The following TCOF1 variants were observed in gnomAD, a reference collection of about 807,000 sequenced individuals.
TCOF1 encodes treacle protein.
Under a neutral mutation model 149.0 loss-of-function variants are expected in TCOF1, and 33 were observed. The observed-to-expected ratio is 0.22, with a 90% confidence interval of 0.17 to 0.30. TCOF1 has a LOEUF of 0.30. TCOF1 is among the 10% of genes least tolerant of loss of function. The pLI is 1.00. For synonymous variants in TCOF1, 789 were observed against 738.8 expected, an observed-to-expected ratio of 1.07 and a Z score of -1.10; for missense variants, 1,728 against 1,840.7, an observed-to-expected ratio of 0.94 and a Z score of 1.12.
rs753004813 is a variant in TCOF1, at chr5:150,372,028, C to T, written c.662C>T (p.Ala221Val). The change falls in exon 7 of 27, where the codon GCC becomes GTC. Residue 221 changes from alanine to valine, a missense_variant. Ala to Val is a moderately conservative substitution (Grantham distance 64, BLOSUM62 0). Transcript: ENST00000643257. ...DVEGKPSVKP[A>V]QVKASSVSTK... ...CAGGGGAAACCCTCAGTAAAACCAGCCCAGGTCAAAGCCTCATCAGTTTCT... is the reference window on the plus strand; with the variant it reads ...CAGGGGAAACCCTCAGTAAAACCAGTCCAGGTCAAAGCCTCATCAGTTTCT... 9.9e-6 allele frequency: 16 copies of T among 1,614,090 alleles called. No homozygotes were observed. In the South Asian group the frequency reaches 1.8e-4, roughly 18 times the overall value.
At chr5:150,396,174 A>G in intron 23 of TCOF1, 108 bp from the exon 24 acceptor site, 1 of 1,278,044 alleles carries the variant, frequency 7.8e-7, no homozygotes. Context: ...CATCTGTGCC[A>G]TTGTAAGAAA....
At chr5:150,377,632 C>T (rs2150769104) in intron 14 of TCOF1, among the ~76,000 whole-genome samples, 1 of 152,240 alleles carries the variant, frequency 6.6e-6, no homozygotes, top group Non-Finnish European at 1.5e-5. Context: ...CTTGTGGGAC[C>T]TCAGGGCTCT....
At position 150,375,397 on chromosome 5, in the gene TCOF1, C is replaced by T. The variant is rs138645438; in HGVS notation, c.1547C>T (p.Pro516Leu). The T allele has an allele frequency of 4.5e-4, 722 of 1,612,768 alleles. No homozygotes were observed. Among genetic ancestry groups the T allele is most frequent in the Non-Finnish European group, 5.7e-4 (671 of 1,179,836 alleles). ...CCTGCCTCTACCATGGGCATGGGGC[C>T]CTTGGGGAAAGGCGCCGGCCCAGTG... ...VKPASTMGMGPLGKGAGPVPP... is the reference protein window; with the variant it reads ...VKPASTMGMGLLGKGAGPVPP... The change falls in exon 11 of 27, where the codon CCC becomes CTC. Residue 516 changes from proline to leucine, a missense_variant. This residue lies in a region of TCOF1 where 1,696 missense variants were observed against 1,765.4 expected (regional missense o/e 0.96). Transcript: ENST00000643257.
chr5:150,392,182 GGT>G lies in TCOF1; in HGVS notation c.3517+8_3517+9del. ...CAAGTCAGCCCACACGCTGGGTGAG[GGT>G]GCCAGGGGAAAGGCAAGGGTGGGCC... On this transcript the variant is annotated splice_region_variant and intron_variant, in intron 21 of 26. Coordinates refer to ENST00000643257, the MANE Select transcript of TCOF1 (RefSeq NM_001371623.1). 1 of 1,613,004 alleles carries G rather than the reference GGT, an allele frequency of 6.2e-7. No homozygotes were observed. Among genetic ancestry groups the G allele is most frequent in the East Asian group, 2.2e-5 (1 of 44,872 alleles).
In TCOF1 at chr5:150,392,232, T is replaced by C. The variant is rs542993136; in HGVS notation, c.3517+56T>C. 5.2e-5 allele frequency: 82 copies of C among 1,568,790 alleles called. No individual in the cohort carries two copies. In the African/African-American group the frequency reaches 8.9e-4, roughly 17 times the overall value. ...GCCAGGAAGAGGGTGTTGTGTGGCCTGGTGGAGCCATAGCTCTGGCCTCAG... is the reference window on the plus strand; with the variant it reads ...GCCAGGAAGAGGGTGTTGTGTGGCCCGGTGGAGCCATAGCTCTGGCCTCAG... On this transcript the variant is annotated intron_variant, in intron 21 of 26. Coordinates refer to ENST00000643257, the MANE Select transcript of TCOF1 (RefSeq NM_001371623.1).
At chr5:150,369,452 T>G in intron 5 of TCOF1, 77 bp from the exon 6 acceptor site, 3 of 1,549,628 alleles carry the variant, frequency 1.9e-6, no homozygotes, top group African/African-American at 1.4e-5. Flanking sequence ...GAGCAGCTGG[T>G]TTGTGGGGAG....
intron 6 of TCOF1, among the ~76,000 whole-genome samples, chr5:150,369,847 A>T (rs576869312): frequency 1.3e-5 from 2 of 152,194 alleles, no homozygotes; most frequent in South Asian, 4.1e-4. Context: ...GAGACTAGAC[A>T]AGCCTTCCTG....
intron 3 of TCOF1, 141 bp downstream of exon 3, chr5:150,364,393 C>A: frequency 7.7e-7 from 1 of 1,299,494 alleles, no homozygotes; most frequent in Non-Finnish European, 1.1e-6. Context: ...ATATCTTTGG[C>A]AGTATTTGAG....
chr5:150,385,377 G>T (rs1218828398), intron 17 of TCOF1, among the ~76,000 whole-genome samples: 1 of 152,210 alleles, frequency 6.6e-6, no homozygotes, highest in African/African-American at 2.4e-5. Flanking sequence ...GCACCAGTTT[G>T]CTGGTTGCCC....
intron 1 of TCOF1, 32 bp downstream of exon 1, chr5:150,357,886 C>T (rs1228134215): frequency 3.2e-6 from 5 of 1,543,474 alleles, no homozygotes; most frequent in East Asian, 4.9e-5. Context: ...GCGAGGGCCG[C>T]GTGCAAGATG....
At chr5:150,381,592 T>G (rs572836131) in intron 17 of TCOF1, among the ~76,000 whole-genome samples, 1 of 152,234 alleles carries the variant, frequency 6.6e-6, no homozygotes, top group Non-Finnish European at 1.5e-5. Flanking sequence ...CCCAGGTGCT[T>G]GTTACTGGTA....
intron 2 of TCOF1, among the ~76,000 whole-genome samples, chr5:150,362,804 C>G (rs527619903): frequency 2.6e-5 from 4 of 152,090 alleles, no homozygotes; most frequent in Non-Finnish European, 5.9e-5. Flanking sequence ...ATTCGTAGTA[C>G]TTCCTTCCCC....
intron 14 of TCOF1, 72 bp downstream of exon 14, chr5:150,376,692 T>G (rs1328315581): frequency 1.3e-5 from 19 of 1,484,874 alleles, no homozygotes; most frequent in Non-Finnish European, 1.7e-5. Flanking sequence ...TGGGCTTGAC[T>G]GGGGGCTAGT....
intron 19 of TCOF1, 114 bp downstream of exon 19, chr5:150,390,137 G>A (rs1767112469): frequency 1.3e-6 from 2 of 1,501,856 alleles, no homozygotes; most frequent in African/African-American, 1.4e-5. Context: ...CCACACTCCA[G>A]AGGTCGTGGC....
At chr5:150,389,106 C>CAT (rs1472161989) in intron 18 of TCOF1, among the ~76,000 whole-genome samples, 1 of 152,114 alleles carries the variant, frequency 6.6e-6, no homozygotes, top group Non-Finnish European at 1.5e-5. Flanking sequence ...TACATATGTA[C>CAT]ATATACATAT....
At chr5:150,380,078 AAAAAAAAG>A (rs1245706183) in intron 17 of TCOF1, 25 of 264,264 alleles carry the variant, frequency 9.5e-5, no homozygotes, top group African/African-American at 4.7e-4. Context: ...CTCAAAAAAA[AAAAAAAAG>A]AAAAAAAAGA....
chr5:150,390,518 T>C (rs1410706989), intron 19 of TCOF1, among the ~76,000 whole-genome samples: 11 of 152,170 alleles, frequency 7.2e-5, no homozygotes. Context: ...AGGGCTGCGA[T>C]GTGACCAGCA....
At chr5:150,383,851 G>A in intron 17 of TCOF1, 3 of 1,550,530 alleles carry the variant, frequency 1.9e-6, no homozygotes, top group Admixed American at 2.0e-5. Context: ...GTCCTGCTCA[G>A]GCTACACCTC....
At chr5:150,394,840 C>T (rs1768112399) in intron 23 of TCOF1, 1 of 150,146 alleles carries the variant, frequency 6.7e-6, no homozygotes, top group African/African-American at 2.5e-5. Context: ...TCGCTTGAAC[C>T]TGGGAGGTAG....
Sources: gnomAD v4.1 joint callset for allele counts (sites outside exome capture counted in the v4.1 genomes callset) on GRCh38, gnomAD v4.1.1 for gene constraint, gnomAD v4.1.1 regional missense constraint, MANE v1.5 for transcripts, NCBI Gene and HGNC (gene_info 2026-07-23, HGNC 2026-07-21) for gene names.